The following DDX25 variants were observed in gnomAD, a reference collection of about 807,000 sequenced individuals.
The protein encoded by DDX25 is ATP-dependent RNA helicase DDX25.
In DDX25, 70 loss-of-function variants were observed where a neutral mutation model predicts 64.6. The observed-to-expected ratio is 1.08, with a 90% CI of 0.89 to 1.32. The LOEUF is 1.32. DDX25 is among the 40% of genes most tolerant of loss of function. The pLI, the probability that DDX25 is intolerant of heterozygous loss-of-function variation, is 0.00. For missense variants in DDX25, 587 were observed against 604.4 expected (o/e 0.97, Z 0.30); for synonymous variants, 211 against 213.3 (o/e 0.99, Z 0.09).
At chr11:125,915,096 A>G (rs1945019485) in intron 8 of DDX25, among the ~76,000 whole-genome samples, 1 of 152,234 alleles carries the variant, frequency 6.6e-6, no homozygotes, top group Non-Finnish European at 1.5e-5. Flanking sequence ...GGTGTGAGCC[A>G]CCATGCGTGG....
In DDX25 at chr11:125,905,211, G is replaced by A. The variant is rs1944866808; in HGVS notation, c.64-1G>A. 1 of 1,551,574 alleles carries A rather than the reference G, an allele frequency of 6.4e-7. No homozygotes were observed. The highest frequency in any genetic ancestry group is 8.7e-7 in the Non-Finnish European group (1 of 1,146,940). On this transcript the variant is annotated splice_acceptor_variant, in intron 1 of 11. Coordinates refer to ENST00000263576, the MANE Select transcript of DDX25 (RefSeq NM_013264.5). LOFTEE classifies it high-confidence loss of function. Reference sequence around the variant, plus strand: ...TGGTTGAAATTTGTGTCTCTCAATAGTTTTCAAACCTCAGCCAACCCCGGA... The same window carrying A: ...TGGTTGAAATTTGTGTCTCTCAATAATTTTCAAACCTCAGCCAACCCCGGA...
chr11:125,927,019 T>G lies in DDX25; in HGVS notation c.*4138T>G, dbSNP rs1194817825. ...CACACCCTCCTTCGCTGCCCCTCAC[T>G]GTGTTGCCTGGTGTCTGCCTGAAGA... On this transcript the variant is annotated 3_prime_UTR_variant, in exon 12 of 12. Coordinates refer to ENST00000263576, the MANE Select transcript of DDX25 (RefSeq NM_013264.5). The G allele has an allele frequency of 6.6e-6, 1 of 152,412 alleles. No individual in the cohort carries two copies. Among genetic ancestry groups the G allele is most frequent in the African/African-American group, 2.4e-5 (1 of 41,458 alleles). 9.4% of individuals were successfully genotyped at this position (152,412 alleles called of 1,614,324 possible).
chr11:125,918,104 C>T (rs1161215807), intron 9 of DDX25, among the ~76,000 whole-genome samples: 1 of 152,120 alleles, frequency 6.6e-6, no homozygotes, highest in Non-Finnish European at 1.5e-5. Flanking sequence ...TGGTCTCGAA[C>T]TCCCGACCTC....
In DDX25 at chr11:125,921,276, C is replaced by T. The variant is rs1945111532; in HGVS notation, c.1287C>T (p.Leu429=). 1.2e-6 allele frequency: 2 copies of T among 1,613,344 alleles called. No individual in the cohort carries two copies. Among genetic ancestry groups the T allele is most frequent in the Non-Finnish European group, 1.7e-6 (2 of 1,179,716 alleles). ...QGEEPDYETY[L]HRIGRTGRFG... ...AGGAGCCGGACTATGAGACCTACCT[C>T]CACCGCATAGGGCGGACGGGGCGCT... The change falls in exon 11 of 12, where the codon CTC becomes CTT. Residue 429 remains leucine (L), a synonymous_variant. Coordinates refer to ENST00000263576, the MANE Select transcript of DDX25 (RefSeq NM_013264.5). The surrounding 1 kb of genome is among the most constrained non-coding windows in gnomAD (Gnocchi z 4.1).
rs1945109704 is a variant in DDX25, at chr11:125,921,179, T to C, written c.1202-12T>C. ...AGCATTGCAGGACCCTACAGTGTTT[T>C]TCCTCTTCTAGGGATTGATGTGAAG... On this transcript the variant is annotated splice_polypyrimidine_tract_variant and intron_variant, in intron 10 of 11. Coordinates refer to ENST00000263576, the MANE Select transcript of DDX25 (RefSeq NM_013264.5). The surrounding 1 kb of genome is among the most constrained non-coding windows in gnomAD (Gnocchi z 4.1). The C allele has an allele frequency of 1.9e-6, 3 of 1,605,570 alleles. No homozygotes were observed. Among genetic ancestry groups the C allele is most frequent in the African/African-American group, 1.3e-5 (1 of 74,836 alleles).
chr11:125,910,311 G>A, intron 6 of DDX25, 53 bp from the exon 7 acceptor site: 1 of 1,476,732 alleles, frequency 6.8e-7, no homozygotes, highest in Non-Finnish European at 9.4e-7. Context: ...GTTGAAATTT[G>A]AAAGATGCCT....
At position 125,927,793 on chromosome 11, in the gene DDX25, A is replaced by C. The variant is rs1259924135; in HGVS notation, c.*4912A>C. On this transcript the variant is annotated 3_prime_UTR_variant, in exon 12 of 12. Transcript: ENST00000263576. ...GAACTCCCCATTCATGAGAGCATTC[A>C]ATCAATCAGAAGATGAATAGTTAAT... 1 of 152,162 alleles carries C rather than the reference A, an allele frequency of 6.6e-6. No homozygotes were observed. Among genetic ancestry groups the C allele is most frequent in the Admixed American group, 6.5e-5 (1 of 15,274 alleles). The allele number at this position is 152,162 out of a possible 1,614,324, so 9.4% of individuals were successfully genotyped here. A position where few individuals can be genotyped will look rare whatever the true frequency, so the allele number is the denominator to read the frequency against.
chr11:125,919,740 T>G (rs1158867791), intron 10 of DDX25, among the ~76,000 whole-genome samples: 1 of 152,078 alleles, frequency 6.6e-6, no homozygotes, highest in Admixed American at 6.5e-5. Flanking sequence ...GAAAAAAGGA[T>G]GATGTCTCTA....
At chr11:125,922,578 C>G (rs1945128761) in intron 11 of DDX25, 1 of 405,284 alleles carries the variant, frequency 2.5e-6, no homozygotes, top group Non-Finnish European at 4.4e-6. Flanking sequence ...CCCTCCCAGG[C>G]TCTCCTCACT....
Position 125,917,224 on chromosome 11 carries a change from C to G in DDX25, c.1011C>G (p.Thr337=). The G allele has an allele frequency of 6.2e-7, 1 of 1,608,202 alleles. No individual in the cohort carries two copies. Among genetic ancestry groups the G allele is most frequent in the Non-Finnish European group, 8.5e-7 (1 of 1,177,520 alleles). Residue 337 remains threonine, a synonymous_variant, in exon 9 of 12, where the codon ACC becomes ACG. Coordinates refer to ENST00000263576, the MANE Select transcript of DDX25 (RefSeq NM_013264.5). ...TGTGCAACATTTATGGCAGCATCAC[C>G]ATTGGTCAGGCCATCATCTTCTGCC... ...QALCNIYGSI[T]IGQAIIFCQT...
chr11:125,908,079 C>T (rs768926221), intron 4 of DDX25, 117 bp from the exon 5 acceptor site: 1 of 765,552 alleles, frequency 1.3e-6, no homozygotes, highest in Non-Finnish European at 2.1e-6. Context: ...TCTCCAAATA[C>T]TAGTTTTAAA....
At chr11:125,919,302 A>T (rs775645406) in intron 10 of DDX25, among the ~76,000 whole-genome samples, 1 of 152,168 alleles carries the variant, frequency 6.6e-6, no homozygotes, top group South Asian at 2.1e-4. Context: ...TCTTGGGTAA[A>T]TATCTAAGAG....
Position 125,905,472 on chromosome 11 carries a change from A to G in DDX25, c.131-81A>G, listed in dbSNP as rs1257201177. On this transcript the variant is annotated intron_variant, in intron 2 of 11. Transcript: ENST00000263576. ...TGCCAGTAGACACTGAAGAGTCAGGAAGAAAAAATTGAATAGCATGCTTTA... is the reference window on the plus strand; with the variant it reads ...TGCCAGTAGACACTGAAGAGTCAGGGAGAAAAAATTGAATAGCATGCTTTA... The G allele has an allele frequency of 6.2e-6, 9 of 1,461,472 alleles. No individual in the cohort carries two copies. In the East Asian group the frequency reaches 1.7e-4, roughly 28 times the overall value. The allele number at this position is 1,461,472 out of a possible 1,614,324, so 90.5% of individuals were successfully genotyped here.
At chr11:125,904,156 C>G (rs1124708), upstream of DDX25, among the ~76,000 whole-genome samples, 4 of 152,054 alleles carry the variant, frequency 2.6e-5, no homozygotes, top group East Asian at 3.9e-4. Context: ...GCGGGGAGTC[C>G]GGGGGGCTCC....
At chr11:125,908,919 G>A (rs534947879) in intron 6 of DDX25, among the ~76,000 whole-genome samples, 41 of 152,216 alleles carry the variant, frequency 2.7e-4, no homozygotes, top group Non-Finnish European at 5.3e-4. Flanking sequence ...AGTAATTTAC[G>A]TTTTTAGCAC....
At chr11:125,920,103 G>T (rs1469840200) in intron 10 of DDX25, among the ~76,000 whole-genome samples, 1 of 152,180 alleles carries the variant, frequency 6.6e-6, no homozygotes, top group Non-Finnish European at 1.5e-5. Flanking sequence ...AGTGGGGAGG[G>T]GAAGTGCAGA....
chr11:125,907,103 G>A (rs1169519138), intron 4 of DDX25, among the ~76,000 whole-genome samples: 2 of 152,064 alleles, frequency 1.3e-5, no homozygotes, highest in East Asian at 3.9e-4. Context: ...TTTCCCAAAT[G>A]GGTTTGCATT....
chr11:125,921,517 A>G lies in DDX25; in HGVS notation c.1390+138A>G. On this transcript the variant is annotated intron_variant, in intron 11 of 11. Transcript: ENST00000263576. This position sits in a 1 kb window ranked among gnomAD's most constrained non-coding sequence, Gnocchi z 4.1. The stretch of plus-strand genomic sequence containing the variant: ...ATGAGCTGGAAGGCTTCTAATTCAC[A>G]GGACCAGGGTTCTAATATGAGACAG... 2.2e-6 allele frequency: 2 copies of G among 913,014 alleles called. No homozygotes were observed. Among genetic ancestry groups the G allele is most frequent in the South Asian group, 1.9e-5 (1 of 52,812 alleles). The allele number at this position is 913,014 out of a possible 1,614,324, so 56.6% of individuals were successfully genotyped here. A position where few individuals can be genotyped will look rare whatever the true frequency, so the allele number is the denominator to read the frequency against.
In DDX25 at chr11:125,910,210, A is replaced by C. The variant is rs2272103; in HGVS notation, c.508-154A>C. On this transcript the variant is annotated intron_variant, in intron 6 of 11. Transcript: ENST00000263576. ...CTCAACATTCACCTCAAATCTGTCA[A>C]CTATTAAACTGTATCCAATTAAAAA... Among the ~76,000 whole-genome samples the C allele has an allele frequency of 0.42, 64,509 of 151,968 alleles. 13,884 individuals carry two copies. The highest frequency in any genetic ancestry group is 0.44 in the Non-Finnish European group (30,147 of 67,954).
Sources: allele counts gnomAD v4.1 joint callset (sites outside exome capture counted in the v4.1 genomes callset), GRCh38; gene constraint gnomAD v4.1.1; non-coding constraint Gnocchi (gnomAD v3.1); transcripts MANE v1.5; gene names NCBI Gene and HGNC (gene_info 2026-07-23, HGNC 2026-07-21).